Variants in MICALL2 observed in about 807,000 individuals in gnomAD.
MICALL2 encodes the protein MICAL like 2, also known as MICAL-like protein 2.
A neutral mutation model predicts 91.1 loss-of-function variants in MICALL2; 111 were observed. The ratio of observed to expected loss-of-function variants is 1.22; its 90% confidence interval spans 1.04 to 1.43. MICALL2 has a LOEUF of 1.43. MICALL2 is among the 40% of genes most tolerant of loss of function. The probability of loss-of-function intolerance (pLI) is 0.00; values close to 1 mark genes in which losing one functional copy is unlikely to be tolerated. For missense variants in MICALL2, 1,556 were observed against 1,236.0 expected, an observed-to-expected ratio of 1.26 and a Z score of -3.88; for synonymous variants, 694 against 525.3, an observed-to-expected ratio of 1.32 and a Z score of -4.39.
At chr7:1,447,846 A>G (rs1053129516) in intron 3 of MICALL2, 81 bp from the exon 4 acceptor site, 2 of 1,143,240 alleles carry the variant, frequency 1.7e-6, no homozygotes, top group African/African-American at 1.6e-5. Context: ...CCCAGTGCCC[A>G]GCACAGGCCT....
At chr7:1,454,438 C>G (rs1780940893) in intron 1 of MICALL2, among the ~76,000 whole-genome samples, 1 of 127,516 alleles carries the variant, frequency 7.8e-6, no homozygotes, top group Non-Finnish European at 1.5e-5. Flanking sequence ...CATGGCCAGG[C>G]AGAGCTCAGG....
At chr7:1,437,114 G>A (rs1562445475) in intron 14 of MICALL2, 1 of 481,660 alleles carries the variant, frequency 2.1e-6, no homozygotes, top group Non-Finnish European at 3.6e-6. Context: ...CTGAGGCTCA[G>A]GGCGTCGCTG....
intron 6 of MICALL2, 46 bp downstream of exon 6, chr7:1,444,606 G>A (rs909397605): frequency 2.5e-6 from 4 of 1,569,450 alleles, no homozygotes; most frequent in Middle Eastern, 2.2e-4. Flanking sequence ...CCGCTGGCTG[G>A]TGCAAAGAGG....
chr7:1,438,892 T>C lies in MICALL2; in HGVS notation c.2070A>G (p.Arg690=), dbSNP rs762012934. 1 of 1,610,746 alleles carries C rather than the reference T, an allele frequency of 6.2e-7. No individual in the cohort carries two copies. Among genetic ancestry groups the C allele is most frequent in the Non-Finnish European group, 8.5e-7 (1 of 1,179,512 alleles). Residue 690 remains arginine (R), a synonymous_variant, in exon 10 of 17, where the codon CGA becomes CGG. Transcript: ENST00000297508. ...TCTCCTCCTCCTTCCAGCTCTGCAC[T>C]CGGGCTTCCTGGCCAGGGGGCTCCG... The part of the protein sequence containing the change: ...LRPEPPGQEA[R]VQSWKEEEKK...
intron 7 of MICALL2, chr7:1,441,073 CT>C (rs1780257006): frequency 4.2e-6 from 1 of 238,120 alleles, no homozygotes; most frequent in South Asian, 6.2e-5. Context: ...CAGCGCGTGG[CT>C]TTAACAATGA....
chr7:1,435,231 C>T (rs1362347614), intron 15 of MICALL2, 84 bp from the exon 16 acceptor site: 8 of 1,432,500 alleles, frequency 5.6e-6, no homozygotes, highest in African/African-American at 4.2e-5. Context: ...CCAGCAGTGG[C>T]ACCCCAGCCC....
chr7:1,447,614 C>G lies in MICALL2; in HGVS notation c.486G>C (p.Gln162His). 6.3e-7 allele frequency: 1 copy of G among 1,596,660 alleles called. No homozygotes were observed. The highest frequency in any genetic ancestry group is 8.5e-7 in the Non-Finnish European group (1 of 1,172,526). Residue 162 changes from glutamine to histidine, a missense_variant, in exon 4 of 17, where the codon CAG becomes CAC. Coordinates refer to ENST00000297508, the MANE Select transcript of MICALL2 (RefSeq NM_182924.4). Reference sequence around the variant, plus strand: ...GGCCCCCTGCACCCTCATTCCTCCTCTGGACCACAGGGTTTGTCTGGGCTG... The same window carrying G: ...GGCCCCCTGCACCCTCATTCCTCCTGTGGACCACAGGGTTTGTCTGGGCTG... ...LSPAQTNPVV[Q>H]RRNEGAGGPP...
intron 5 of MICALL2, among the ~76,000 whole-genome samples, chr7:1,445,895 C>T (rs1031102995): frequency 2.0e-5 from 3 of 151,894 alleles, no homozygotes; most frequent in African/African-American, 4.8e-5. Context: ...AGCCCCCACC[C>T]GGGGTGCAGG....
intron 1 of MICALL2, among the ~76,000 whole-genome samples, chr7:1,458,167 T>C (rs1341735605): frequency 6.6e-6 from 1 of 152,186 alleles, no homozygotes; most frequent in Non-Finnish European, 1.5e-5. Flanking sequence ...CAGGACAGTG[T>C]CCAGGGGCAC....
chr7:1,455,189 C>A (rs542042529), intron 1 of MICALL2, among the ~76,000 whole-genome samples: 1 of 152,242 alleles, frequency 6.6e-6, no homozygotes, highest in Admixed American at 6.5e-5. Flanking sequence ...TGCCCGAGGG[C>A]TGTGCCTGGA....
Position 1,437,811 on chromosome 7 carries a change from G to A in MICALL2, c.2402+79C>T, listed in dbSNP as rs57032038. 3.5e-3 allele frequency: 4,755 copies of A among 1,366,374 alleles called. 92 individuals are homozygous for A. In the African/African-American group the frequency reaches 0.045, roughly 13 times the overall value. The allele number at this position is 1,366,374 out of a possible 1,614,324, so 84.6% of individuals were successfully genotyped here. A position where few individuals can be genotyped will look rare whatever the true frequency, so the allele number is the denominator to read the frequency against. On this transcript the variant is annotated intron_variant, in intron 13 of 16. Transcript: ENST00000297508. ...ACATGCATCTGAGGCCTGACTCTGC[G>A]CTCCTGTCCCCCGCCTGGCCTGCCC...
intron 9 of MICALL2, chr7:1,439,286 C>T: frequency 2.3e-6 from 1 of 428,122 alleles, no homozygotes; most frequent in East Asian, 3.9e-5. Context: ...GGAATACACA[C>T]AGAGATGTGT....
In MICALL2 at chr7:1,444,640, C is replaced by G; in HGVS notation, c.1418+12G>C. On this transcript the variant is annotated intron_variant, in intron 6 of 16. Transcript: ENST00000297508. ...GGCCATACCCGGGGTCCCTCGGTCC[C>G]CACGCGCTCACCTGCCAGGCGCCGG... 6.2e-7 allele frequency: 1 copy of G among 1,605,112 alleles called. No individual in the cohort carries two copies. Among genetic ancestry groups the G allele is most frequent in the South Asian group, 1.1e-5 (1 of 90,758 alleles).
Position 1,437,524 on chromosome 7 carries a change from G to A in MICALL2, c.2476+11C>T, listed in dbSNP as rs939324410. 168 of 1,514,362 alleles carry A rather than the reference G, an allele frequency of 1.1e-4. No individual in the cohort carries two copies. Among genetic ancestry groups the A allele is most frequent in the Middle Eastern group, 2.1e-4 (1 of 4,666 alleles). The allele number at this position is 1,514,362 out of a possible 1,614,324, so 93.8% of individuals were successfully genotyped here. Reference sequence around the variant, plus strand: ...GGCTGGGGCCCCTTGGCTGGCGCGCGGGGGACGCACCGGGCTTGGCCATGA... The same window carrying A: ...GGCTGGGGCCCCTTGGCTGGCGCGCAGGGGACGCACCGGGCTTGGCCATGA... On this transcript the variant is annotated intron_variant, in intron 14 of 16. Coordinates refer to ENST00000297508, the MANE Select transcript of MICALL2 (RefSeq NM_182924.4).
At chr7:1,440,786 C>A (rs1242340443) in intron 7 of MICALL2, 102 bp from the exon 8 acceptor site, 1 of 988,654 alleles carries the variant, frequency 1.0e-6, no homozygotes, top group Non-Finnish European at 1.6e-6. Flanking sequence ...CATAGCCACT[C>A]CACCCTCAGA....
chr7:1,439,796 C>A, intron 9 of MICALL2, 129 bp downstream of exon 9: 1 of 719,396 alleles, frequency 1.4e-6, no homozygotes, highest in East Asian at 3.4e-5. Flanking sequence ...CTACCAGCTT[C>A]TCTGGCTGAC....
chr7:1,450,158 G>A (rs1432028494), intron 2 of MICALL2, 82 bp downstream of exon 2: 6 of 1,077,250 alleles, frequency 5.6e-6, no homozygotes, highest in Admixed American at 5.2e-5. Flanking sequence ...GGGCCTGGGG[G>A]GAGTCCCTCG....
At position 1,459,309 on chromosome 7, in the gene MICALL2, C is replaced by A. The variant is rs749120556; in HGVS notation, c.18G>T (p.Ala6=). The part of the protein sequence containing the change: MAAIR[A]LQQWCRQQCE... ...ACTGCTGCCGGCACCACTGTTGCAGCGCCCTGATGGCCGCCATGTGGGCGG... is the reference window on the plus strand; with the variant it reads ...ACTGCTGCCGGCACCACTGTTGCAGAGCCCTGATGGCCGCCATGTGGGCGG... Residue 6 remains alanine, a synonymous_variant, in exon 1 of 17, where the codon GCG becomes GCT. Transcript: ENST00000297508. The A allele has an allele frequency of 3.2e-6, 5 of 1,565,090 alleles. No individual in the cohort carries two copies. The East Asian group carries it at 1.3e-4, about 39-fold the overall frequency.
chr7:1,448,181 C>A (rs938838215), intron 3 of MICALL2: 7 of 239,366 alleles, frequency 2.9e-5, no homozygotes, highest in African/African-American at 1.3e-4. Flanking sequence ...AGCCTGGCTT[C>A]CATAGGGTCC....
Sources: allele counts gnomAD v4.1 joint callset (sites outside exome capture counted in the v4.1 genomes callset), GRCh38; gene constraint gnomAD v4.1.1; transcripts MANE v1.5; gene names NCBI Gene and HGNC (gene_info 2026-07-23, HGNC 2026-07-21).